FIBCD1: variants seen among roughly 807,000 people sequenced by gnomAD.
FIBCD1 encodes fibrinogen C domain-containing protein 1.
A neutral mutation model predicts 45.1 loss-of-function variants in FIBCD1; 47 were observed. The observed-to-expected ratio is 1.04, with a 90% confidence interval of 0.82 to 1.33. FIBCD1 has a LOEUF of 1.33. Among genes scored for constraint, FIBCD1 ranks in the 40% most tolerant of loss-of-function variants. FIBCD1 has a pLI of 0.00. For missense variants in FIBCD1, 653 were observed against 682.2 expected (o/e 0.96, Z 0.48); for synonymous variants, 313 against 308.1 (o/e 1.02, Z -0.17).
intron 4 of FIBCD1, among the ~76,000 whole-genome samples, chr9:130,913,334 ATG>A (rs1353144321): frequency 1.3e-5 from 2 of 151,882 alleles, no homozygotes; most frequent in African/African-American, 4.8e-5. Flanking sequence ...TCAGAGTCTG[ATG>A]TGTTAGAGAT....
intron 5 of FIBCD1, among the ~76,000 whole-genome samples, chr9:130,910,481 C>A (rs145525034): frequency 6.6e-6 from 1 of 152,230 alleles, no homozygotes; most frequent in Admixed American, 6.5e-5. Flanking sequence ...CCGGTCCCAT[C>A]GAGCACCCAA....
intron 5 of FIBCD1, among the ~76,000 whole-genome samples, chr9:130,911,316 C>A (rs1194365111): frequency 2.9e-5 from 3 of 104,120 alleles, no homozygotes; most frequent in African/African-American, 1.9e-4. Flanking sequence ...CAGCTTCATT[C>A]TTGAAATCAG....
chr9:130,904,013 T>A lies in FIBCD1; in HGVS notation c.*51A>T. ...ACATTCACGAAAGAGTGAGGTGGGG[T>A]CGGGGATGGGGCGACAGGGACCAGC... is the stretch of plus-strand genomic sequence containing the variant. On this transcript the variant is annotated 3_prime_UTR_variant, in exon 7 of 7. Coordinates refer to ENST00000372338, the MANE Select transcript of FIBCD1 (RefSeq NM_032843.5). The A allele has an allele frequency of 5.0e-6, 8 of 1,589,958 alleles. No individual in the cohort carries two copies. The highest frequency in any genetic ancestry group is 6.8e-6 in the Non-Finnish European group (8 of 1,169,096).
intron 2 of FIBCD1, among the ~76,000 whole-genome samples, chr9:130,928,014 G>A (rs984786505): frequency 2.0e-5 from 3 of 152,202 alleles, no homozygotes; most frequent in Non-Finnish European, 4.4e-5. Context: ...GCTGCCTGTA[G>A]GCACAGCTTT....
In FIBCD1 at chr9:130,929,971, C is replaced by T. The variant is rs1225322902; in HGVS notation, c.148G>A (p.Ala50Thr). ...AVLLAVAVTG[A>T]VLFLNHAHAP... ...TGGGCGTGGTTCAGGAAGAGCACGGCACCGGTGACAGCTACAGCCAGCAGC... is the reference window on the plus strand; with the variant it reads ...TGGGCGTGGTTCAGGAAGAGCACGGTACCGGTGACAGCTACAGCCAGCAGC... Residue 50 changes from alanine (A) to threonine (T), a missense_variant, in exon 2 of 7, where the codon GCC (alanine) becomes ACC (threonine). Transcript: ENST00000372338. 2 of 1,547,446 alleles carry T rather than the reference C, an allele frequency of 1.3e-6. No individual in the cohort carries two copies. Among genetic ancestry groups the T allele is most frequent in the Admixed American group, 3.9e-5 (2 of 50,770 alleles).
rs747726693 is a variant in FIBCD1, at chr9:130,904,244, G to C, written c.1206C>G (p.Ala402=). 1 of 1,613,634 alleles carries C rather than the reference G, an allele frequency of 6.2e-7. No individual in the cohort carries two copies. The highest frequency in any genetic ancestry group is 1.3e-5 in the African/African-American group (1 of 74,920). ...ACCACCAGGCACCGCGGTAGAAGGC[G>C]GCACAGTTGTTCTCTGAATGGTCGC... ...RDSDHSENNC[A]AFYRGAWWYR... Residue 402 remains alanine (A), a synonymous_variant, in exon 7 of 7, where the codon GCC becomes GCG. Coordinates refer to ENST00000372338, the MANE Select transcript of FIBCD1 (RefSeq NM_032843.5).
chr9:130,904,284 G>C lies in FIBCD1; in HGVS notation c.1166C>G (p.Thr389Ser). The C allele has an allele frequency of 6.2e-7, 1 of 1,612,426 alleles. No homozygotes were observed. The highest frequency in any genetic ancestry group is 2.2e-5 in the East Asian group (1 of 44,796). Residue 389 changes from threonine to serine, a missense_variant, in exon 7 of 7, where the codon ACC becomes AGC. Coordinates refer to ENST00000372338, the MANE Select transcript of FIBCD1 (RefSeq NM_032843.5). ...TGAATGGTCGCTGTCACGGTCCTTG[G>C]TGGTGAACCTCATGCCGCTGTGCTT... is the stretch of plus-strand genomic sequence containing the variant. ...LLKHSGMRFT[T>S]KDRDSDHSEN...
chr9:130,923,050 C>T lies in FIBCD1; in HGVS notation c.849+694G>A, dbSNP rs1008618240. Among the ~76,000 whole-genome samples, 25 of 152,208 alleles carry T rather than the reference C, an allele frequency of 1.6e-4. 1 individual carries two copies. The highest frequency in any genetic ancestry group is 5.5e-4 in the African/African-American group (23 of 41,456). ...GGGCTTCTCCATCTCTGTGCTTCCC[C>T]GGAACCCAGTATACAGTAGGTGCTC... is the stretch of plus-strand genomic sequence containing the variant. On this transcript the variant is annotated intron_variant, in intron 4 of 6. Transcript: ENST00000372338.
At chr9:130,921,722 G>A (rs892702498) in intron 4 of FIBCD1, among the ~76,000 whole-genome samples, 16 of 152,230 alleles carry the variant, frequency 1.1e-4, no homozygotes, top group Admixed American at 2.6e-4. Context: ...TTCTGGGTTC[G>A]GCTGGTGCCT....
chr9:130,918,055 C>T (rs905937630), intron 4 of FIBCD1, among the ~76,000 whole-genome samples: 9 of 152,186 alleles, frequency 5.9e-5, no homozygotes, highest in African/African-American at 2.2e-4. Flanking sequence ...CCATGAGAGA[C>T]GACGCACAAG....
intron 1 of FIBCD1, among the ~76,000 whole-genome samples, chr9:130,933,075 G>A (rs1832465049): frequency 6.6e-6 from 1 of 152,250 alleles, no homozygotes; most frequent in African/African-American, 2.4e-5. Context: ...GGAAGGCAGA[G>A]GGCACCGAAA....
chr9:130,908,178 AG>A lies in FIBCD1; in HGVS notation c.947-2766del, dbSNP rs575240396. On this transcript the variant is annotated intron_variant, in intron 5 of 6. Coordinates refer to ENST00000372338, the MANE Select transcript of FIBCD1 (RefSeq NM_032843.5). ...CAAATGATCGGTAACCTTAATATATAGAGAGCTTCCATGACTCGATAGGAAA... is the reference window on the plus strand; with the variant it reads ...CAAATGATCGGTAACCTTAATATATAAGAGCTTCCATGACTCGATAGGAAA... Among the ~76,000 whole-genome samples the A allele has an allele frequency of 9.8e-3, 1,489 of 152,268 alleles. 27 individuals are homozygous for A. The highest frequency in any genetic ancestry group is 0.034 in the African/African-American group (1,414 of 41,540).
intron 4 of FIBCD1, among the ~76,000 whole-genome samples, chr9:130,923,156 G>A (rs547283987): frequency 2.8e-4 from 43 of 152,318 alleles, no homozygotes; most frequent in African/African-American, 9.1e-4. Flanking sequence ...AAAGCAGGGC[G>A]TCTGCCCCAT....
intron 1 of FIBCD1, among the ~76,000 whole-genome samples, chr9:130,934,715 G>A (rs1315185011): frequency 2.6e-5 from 4 of 152,282 alleles, no homozygotes; most frequent in Non-Finnish European, 5.9e-5. Context: ...CCCCAAACCT[G>A]AGCCCTCCTA....
At chr9:130,932,770 A>C (rs1832461463) in intron 1 of FIBCD1, among the ~76,000 whole-genome samples, 1 of 152,182 alleles carries the variant, frequency 6.6e-6, no homozygotes, top group Non-Finnish European at 1.5e-5. Context: ...CCTCTGTGCC[A>C]GGGCCGCTAA....
intron 2 of FIBCD1, among the ~76,000 whole-genome samples, chr9:130,928,727 A>C (rs1355154129): frequency 6.6e-6 from 1 of 151,680 alleles, no homozygotes. Flanking sequence ...GATCTGAGTC[A>C]CCGGGAGAAC....
At chr9:130,906,704 A>C (rs1466564016) in intron 5 of FIBCD1, among the ~76,000 whole-genome samples, 1 of 152,218 alleles carries the variant, frequency 6.6e-6, no homozygotes. Flanking sequence ...TGTCATACAC[A>C]AAAGGGCAGG....
At chr9:130,906,386 C>T (rs762759233) in intron 5 of FIBCD1, among the ~76,000 whole-genome samples, 27 of 152,230 alleles carry the variant, frequency 1.8e-4, no homozygotes, top group Non-Finnish European at 3.1e-4. Flanking sequence ...CCGCACCTCC[C>T]GGGGTCAGTG....
chr9:130,912,383 GCTCT>G (rs1262253531), intron 4 of FIBCD1, among the ~76,000 whole-genome samples: 1 of 126,524 alleles, frequency 7.9e-6, no homozygotes, highest in Admixed American at 8.8e-5. Flanking sequence ...TCCAGCCTGG[GCTCT>G]CTCTCAAAAA....
Sources: allele counts gnomAD v4.1 joint callset (sites outside exome capture counted in the v4.1 genomes callset), GRCh38; gene constraint gnomAD v4.1.1; transcripts MANE v1.5; gene names NCBI Gene and HGNC (gene_info 2026-07-23, HGNC 2026-07-21).